Variants in ADGRG6 observed in about 807,000 individuals in gnomAD.
The protein encoded by ADGRG6 is adhesion G protein-coupled receptor G6.
A neutral mutation model predicts 142.4 loss-of-function variants in ADGRG6; 84 were observed. The observed-to-expected ratio is 0.59, with a 90% CI of 0.49 to 0.71. ADGRG6 has a LOEUF of 0.71. Ranked by LOEUF, ADGRG6 falls within the 30% of genes least tolerant of loss-of-function variation. The pLI is 0.00. For missense variants in ADGRG6, 1,367 were observed against 1,466.6 expected, an observed-to-expected ratio of 0.93 and a Z score of 1.11; for synonymous variants, 521 against 520.5, an observed-to-expected ratio of 1.00 and a Z score of -0.01.
At chr6:142,391,868 G>T (rs1774915975) in intron 7 of ADGRG6, among the ~76,000 whole-genome samples, 1 of 151,762 alleles carries the variant, frequency 6.6e-6, no homozygotes, top group Non-Finnish European at 1.5e-5. Flanking sequence ...GCTTATTTGT[G>T]CAAATAATGG....
chr6:142,317,288 C>T (rs1174355310), intron 2 of ADGRG6, among the ~76,000 whole-genome samples: 1 of 151,944 alleles, frequency 6.6e-6, no homozygotes, highest in Non-Finnish European at 1.5e-5. Flanking sequence ...GAATTTTAAG[C>T]CTTTTCTGAT....
At chr6:142,417,247 T>G (rs1776408354) in intron 20 of ADGRG6, 26 bp from the exon 21 acceptor site, 4 of 1,227,406 alleles carry the variant, frequency 3.3e-6, no homozygotes, top group Non-Finnish European at 3.6e-6. Flanking sequence ...TTCAAAAGAG[T>G]TTGTGTCATG....
At chr6:142,416,109 A>T in intron 20 of ADGRG6, 45 bp downstream of exon 20, 1 of 1,437,830 alleles carries the variant, frequency 7.0e-7, no homozygotes, top group South Asian at 1.2e-5. Flanking sequence ...CCCTCATGAA[A>T]ATTGCCAGAT....
At chr6:142,424,729 T>G (rs1305073378) in intron 22 of ADGRG6, among the ~76,000 whole-genome samples, 1 of 152,172 alleles carries the variant, frequency 6.6e-6, no homozygotes, top group African/African-American at 2.4e-5. Context: ...TTGATTGGAA[T>G]AATTTTTTCT....
rs147300442 is a variant in ADGRG6 at position 142,348,966 on chromosome 6, T to C, written c.104-18603T>C. On this transcript the variant is annotated intron_variant, in intron 2 of 24. Transcript: ENST00000367609. ...TAGCACAGTTGGGCCTAAAGAGGGT[T>C]CTAAAATGAGGGAAGCTAAACTTTG... is the stretch of plus-strand genomic sequence containing the variant. Among the ~76,000 whole-genome samples, 6 of 152,334 alleles carry C rather than the reference T, an allele frequency of 3.9e-5. No homozygotes were observed. In the East Asian group the frequency reaches 1.2e-3, roughly 29 times the overall value.
intron 2 of ADGRG6, among the ~76,000 whole-genome samples, chr6:142,349,196 T>A (rs1300014793): frequency 6.6e-6 from 1 of 152,138 alleles, no homozygotes; most frequent in Non-Finnish European, 1.5e-5. Flanking sequence ...CATAAGACAA[T>A]GAAATAACCA....
chr6:142,327,377 G>A (rs548669672), intron 2 of ADGRG6, among the ~76,000 whole-genome samples: 5 of 152,066 alleles, frequency 3.3e-5, no homozygotes, highest in Non-Finnish European at 4.4e-5. Context: ...GGAGTTCACC[G>A]TCTATATTAG....
At chr6:142,427,518 G>A (rs913298124) in intron 22 of ADGRG6, among the ~76,000 whole-genome samples, 9 of 152,032 alleles carry the variant, frequency 5.9e-5, no homozygotes. Context: ...ACATTTTCCT[G>A]TCTTCTTCTG....
chr6:142,437,349 A>C, intron 22 of ADGRG6, 85 bp from the exon 23 acceptor site: 1 of 667,786 alleles, frequency 1.5e-6, no homozygotes, highest in Non-Finnish European at 2.6e-6. Flanking sequence ...AAAATTTAAA[A>C]TTAAAATGAA....
chr6:142,353,351 T>C (rs990535945), intron 2 of ADGRG6, among the ~76,000 whole-genome samples: 3 of 152,224 alleles, frequency 2.0e-5, no homozygotes, highest in Non-Finnish European at 2.9e-5. Flanking sequence ...ATTCTAATTA[T>C]GTTTAACAAG....
Position 142,409,879 on chromosome 6 carries a change from G to A in ADGRG6, c.2394G>A (p.Val798=). ...TTATTCTTATGTTAATATAGGAAGT[G>A]CATCATCCCATCTGTGCCTTCTGGG... The part of the protein sequence containing the change: ...IKIKHTRTQE[V]HHPICAFWDL... Residue 798 remains valine, a synonymous_variant, in exon 17 of 25, where the codon GTG becomes GTA. Transcript: ENST00000367609. 6.9e-7 allele frequency: 1 copy of A among 1,456,230 alleles called. No individual in the cohort carries two copies. The highest frequency in any genetic ancestry group is 1.2e-5 in the South Asian group (1 of 80,662). 90.2% of individuals were successfully genotyped at this position (1,456,230 alleles called of 1,614,324 possible). A position where few individuals can be genotyped will look rare whatever the true frequency, so the allele number is the denominator to read the frequency against.
In ADGRG6 at chr6:142,443,400, T is replaced by A; in HGVS notation, c.3638T>A (p.Ile1213Asn). 1 of 1,612,352 alleles carries A rather than the reference T, an allele frequency of 6.2e-7. No individual in the cohort carries two copies. The highest frequency in any genetic ancestry group is 8.5e-7 in the Non-Finnish European group (1 of 1,178,528). The change falls in exon 25 of 25, where the codon ATC (isoleucine) becomes AAC (asparagine). Residue 1213 changes from isoleucine to asparagine, a missense_variant. Ile to Asn is a moderately radical substitution (Grantham distance 149, BLOSUM62 -3). Around this residue, in one of 3 missense-constraint regions of ADGRG6, gnomAD observed 344 missense variants for 348.7 expected, o/e 0.99. Coordinates refer to ENST00000367609, the MANE Select transcript of ADGRG6 (RefSeq NM_198569.3). ...LAHADGDQTS[I>N]IPVHQVIDKV... ...CATGCTGATGGAGATCAAACATCAA[T>A]CATCCCTGTCCATCAGGTCATTGAT...
chr6:142,347,799 A>G (rs1319728015), intron 2 of ADGRG6, among the ~76,000 whole-genome samples: 1 of 152,166 alleles, frequency 6.6e-6, no homozygotes, highest in South Asian at 2.1e-4. Context: ...TTGAAGAACA[A>G]TCTGATTTCT....
chr6:142,383,964 A>G, intron 6 of ADGRG6, 121 bp downstream of exon 6: 1 of 612,016 alleles, frequency 1.6e-6, no homozygotes, highest in South Asian at 2.0e-5. Context: ...GTACATTTGT[A>G]GGTTTACAAG....
chr6:142,338,930 T>G (rs750466403), intron 2 of ADGRG6, among the ~76,000 whole-genome samples: 21 of 152,118 alleles, frequency 1.4e-4, no homozygotes, highest in Non-Finnish European at 2.4e-4. Context: ...TTCCAAAAAA[T>G]TATCAAATTT....
intron 22 of ADGRG6, among the ~76,000 whole-genome samples, chr6:142,423,810 T>G (rs2115117957): frequency 6.9e-6 from 1 of 143,922 alleles, no homozygotes; most frequent in East Asian, 2.0e-4. Context: ...GAGCATGGAA[T>G]GTTCTTCCAT....
intron 2 of ADGRG6, among the ~76,000 whole-genome samples, chr6:142,322,240 TAATAAA>T (rs550266141): frequency 1.6e-3 from 243 of 152,048 alleles, no homozygotes; most frequent in Non-Finnish European, 2.7e-3. Flanking sequence ...TCTCCACAAA[TAATAAA>T]AATATTAGCC....
intron 24 of ADGRG6, among the ~76,000 whole-genome samples, chr6:142,439,126 G>A (rs929588622): frequency 1.3e-5 from 2 of 152,004 alleles, no homozygotes; most frequent in Non-Finnish European, 2.9e-5. Context: ...CCACAGCCTG[G>A]GCAACATAGC....
At chr6:142,394,025 G>T (rs1196845870) in intron 9 of ADGRG6, 67 bp downstream of exon 9, 10 of 1,019,202 alleles carry the variant, frequency 9.8e-6, no homozygotes, top group Non-Finnish European at 1.5e-5. Context: ...ATCTGGTAGA[G>T]AAATGAAAAC....
Sources: allele counts gnomAD v4.1 joint callset (sites outside exome capture counted in the v4.1 genomes callset), GRCh38; gene constraint gnomAD v4.1.1; regional missense constraint gnomAD v4.1.1; transcripts MANE v1.5; gene names NCBI Gene and HGNC (gene_info 2026-07-23, HGNC 2026-07-21).